The following TENM1 variants were observed in gnomAD, a reference collection of about 807,000 sequenced individuals.
The protein encoded by TENM1 is teneurin-1.
A neutral mutation model predicts 174.8 loss-of-function variants in TENM1; 35 were observed. That is an observed-to-expected ratio of 0.20 (90% CI 0.15 to 0.27). The LOEUF (loss-of-function observed/expected upper bound fraction) is 0.27, where lower values mean the gene tolerates loss of function less well. TENM1 is among the 10% of genes least tolerant of loss of function. The pLI is 1.00. For synonymous variants in TENM1, 781 were observed against 798.7 expected (o/e 0.98, Z 0.37); for missense variants, 1,633 against 2,130.1 (o/e 0.77, Z 4.59).
chrX:125,044,766 C>A, the TENM1 span, among the ~76,000 whole-genome samples: 1 of 111,160 alleles, frequency 9.0e-6, no homozygotes, highest in Non-Finnish European at 1.9e-5. Context: ...GACAAATGAA[C>A]CATCTGAAAG....
chrX:125,060,713 A>T, the TENM1 span, among the ~76,000 whole-genome samples: 1 of 110,711 alleles, frequency 9.0e-6, no homozygotes, highest in African/African-American at 3.3e-5. Context: ...AACACTGGCT[A>T]GAATACTCAC....
intron 5 of TENM1, among the ~76,000 whole-genome samples, chrX:124,699,873 C>A (rs1477958836): frequency 1.8e-5 from 2 of 111,145 alleles, no homozygotes; most frequent in Non-Finnish European, 3.8e-5. Flanking sequence ...TTCCAGATCC[C>A]TGCTTAGAGA....
chrX:124,751,464 A>C (rs1338723666), intron 3 of TENM1, among the ~76,000 whole-genome samples: 1 of 111,243 alleles, frequency 9.0e-6, no homozygotes, highest in Non-Finnish European at 1.9e-5. Context: ...TACATATGTC[A>C]CTCAGTATAA....
intron 11 of TENM1, among the ~76,000 whole-genome samples, chrX:124,585,818 T>G (rs924341397): frequency 1.8e-5 from 2 of 111,049 alleles, no homozygotes; most frequent in African/African-American, 6.6e-5. Flanking sequence ...AAAGACAGAA[T>G]AATCAAATAT....
chrX:124,793,163 A>C (rs919559059), intron 3 of TENM1, among the ~76,000 whole-genome samples: 2 of 111,705 alleles, frequency 1.8e-5, no homozygotes, highest in African/African-American at 3.3e-5. Flanking sequence ...GGAAGTCTGG[A>C]TAAAGAGTGT....
At chrX:124,645,044 G>T in intron 10 of TENM1, 99 bp downstream of exon 13, 1 of 869,091 alleles carries the variant, frequency 1.2e-6, no homozygotes, top group Non-Finnish European at 1.6e-6. Context: ...TTTATTGTTT[G>T]CAAAGGCCAC....
chrX:124,746,598 T>G (rs955253441), intron 3 of TENM1, among the ~76,000 whole-genome samples: 1 of 111,469 alleles, frequency 9.0e-6, no homozygotes, highest in Non-Finnish European at 1.9e-5. Flanking sequence ...TCTTTATGGT[T>G]CCCCAAACAA....
At chrX:124,857,965 A>T (rs1349261841) in intron 3 of TENM1, among the ~76,000 whole-genome samples, 1 of 111,504 alleles carries the variant, frequency 9.0e-6, no homozygotes, top group African/African-American at 3.3e-5. Context: ...TTCTCTGTGA[A>T]ATCCTCCTAG....
the TENM1 span, among the ~76,000 whole-genome samples, chrX:125,031,212 T>C: frequency 9.0e-6 from 1 of 111,095 alleles, no homozygotes; most frequent in Non-Finnish European, 1.9e-5. Flanking sequence ...ATGTGGTACT[T>C]GGTTTTCTGT....
In TENM1 at chrX:124,859,543, C is replaced by CA. The variant is rs780835887; in HGVS notation, c.535+34752dup. ...TGGGTGACAGGGTGAGACCCTGTCT[C>CA]AAAAAAAAAAAAAAAACAAAAAGAA... On this transcript the variant is annotated intron_variant, in intron 3 of 31. Transcript: ENST00000422452. Among the ~76,000 whole-genome samples the CA allele has an allele frequency of 9.3e-3, 412 of 44,322 alleles. 1 individual carries two copies. The highest frequency in any genetic ancestry group is 0.038 in the Middle Eastern group (3 of 79). The allele number at this position is 44,322 out of a possible 115,157, so 38.5% of individuals were successfully genotyped here. A position where few individuals can be genotyped will look rare whatever the true frequency, so the allele number is the denominator to read the frequency against.
At chrX:124,896,156 T>C (rs1422244215) in exon 2 of TENM1, 7 of 1,211,169 alleles carry the variant, frequency 5.8e-6, no homozygotes, top group South Asian at 1.8e-5. Context: ...ATCCCATCTC[T>C]AGCTGGTAGC....
chrX:124,721,793 G>T (rs1439802020), intron 4 of TENM1, among the ~76,000 whole-genome samples: 2 of 112,086 alleles, frequency 1.8e-5, no homozygotes, highest in Non-Finnish European at 3.8e-5. Flanking sequence ...CCATTAAATT[G>T]GGCATAGTTT....
intron 3 of TENM1, among the ~76,000 whole-genome samples, chrX:124,782,305 T>G (rs1456486004): frequency 3.6e-5 from 4 of 111,572 alleles, no homozygotes; most frequent in Non-Finnish European, 7.5e-5. Flanking sequence ...ACTGTGCTAT[T>G]TCTCTGGGCA....
intron 1 of TENM1, among the ~76,000 whole-genome samples, chrX:124,920,473 G>A (rs2058002456): frequency 9.0e-6 from 1 of 111,168 alleles, no homozygotes; most frequent in African/African-American, 3.3e-5. Flanking sequence ...AATGTTCAAT[G>A]GCCATCCTTG....
the TENM1 span, among the ~76,000 whole-genome samples, chrX:125,189,494 A>T: frequency 8.9e-6 from 1 of 112,275 alleles, no homozygotes; most frequent in African/African-American, 3.2e-5. Flanking sequence ...AGGACTGACT[A>T]TTGGTTTTGG....
the TENM1 span, among the ~76,000 whole-genome samples, chrX:125,000,642 A>T: frequency 0.027 from 3,041 of 111,921 alleles, 114 homozygotes; most frequent in African/African-American, 0.094. Flanking sequence ...CTGCATGGAA[A>T]ATTCTAAACC....
the TENM1 span, among the ~76,000 whole-genome samples, chrX:124,976,399 T>C: frequency 4.5e-5 from 5 of 111,738 alleles, no homozygotes; most frequent in African/African-American, 1.6e-4. Flanking sequence ...TTCTTTGCTA[T>C]GTGGCAGTCA....
intron 23 of TENM1, among the ~76,000 whole-genome samples, chrX:124,430,056 T>A (rs1361192708): frequency 1.3e-4 from 14 of 111,406 alleles, no homozygotes; most frequent in Non-Finnish European, 1.9e-5. Flanking sequence ...GGCTGCATTT[T>A]GGGGGACAGG....
Position 124,392,237 on chromosome X carries a change from G to A in TENM1, c.5503C>T (p.Arg1835Ter), listed in dbSNP as rs756982022. 1.7e-6 allele frequency: 2 copies of A among 1,209,833 alleles called. No homozygotes were observed. The highest frequency in any genetic ancestry group is 1.1e-6 in the Non-Finnish European group (1 of 893,802). Residue 1835 changes from arginine (R) to a stop codon, truncating the protein, a stop_gained, in exon 28 of 32, where the codon CGA (arginine) becomes TGA (stop). Coordinates refer to ENST00000422452, the Ensembl canonical transcript of TENM1. LOFTEE classifies it high-confidence loss of function. ...CTTACAGGAGACCACAGAATGGGTC[G>A]CCCAGTCTGGTCATAAAGAATTCGA...
Sources: allele counts gnomAD v4.1 joint callset (sites outside exome capture counted in the v4.1 genomes callset), GRCh38; gene constraint gnomAD v4.1.1; transcripts MANE v1.5; gene names NCBI Gene and HGNC (gene_info 2026-07-23, HGNC 2026-07-21).